MAST2: variants seen among roughly 807,000 people sequenced by gnomAD.
The protein encoded by MAST2 is microtubule associated serine/threonine kinase 2, also known as microtubule-associated serine/threonine-protein kinase 2.
In MAST2, 70 loss-of-function variants were observed where a neutral mutation model predicts 147.4. The ratio of observed to expected loss-of-function variants is 0.47; its 90% CI spans 0.39 to 0.58. MAST2 has a LOEUF of 0.58. Ranked by LOEUF, MAST2 falls within the 20% of genes least tolerant of loss-of-function variation. The probability of loss-of-function intolerance (pLI) is 0.00; values close to 1 mark genes in which losing one functional copy is unlikely to be tolerated. For synonymous variants in MAST2, 869 were observed against 896.8 expected, an observed-to-expected ratio of 0.97 and a Z score of 0.55; for missense variants, 2,080 against 2,302.3, an observed-to-expected ratio of 0.90 and a Z score of 1.98.
chr1:46,008,368 A>G lies in MAST2; in HGVS notation c.975A>G (p.Pro325=), dbSNP rs955779146. The G allele has an allele frequency of 9.3e-6, 15 of 1,609,574 alleles. No homozygotes were observed. The highest frequency in any genetic ancestry group is 1.3e-5 in the Non-Finnish European group (15 of 1,175,822). The change falls in exon 9 of 29, where the codon CCA becomes CCG. Residue 325 remains proline (P), a synonymous_variant. Coordinates refer to ENST00000361297, the MANE Select transcript of MAST2 (RefSeq NM_015112.3). Reference sequence around the variant, plus strand: ...ATCATGTTTACAAAGAAAGATTCCCAAAGGTAAGGATCCATTTAAAAGGAG... The same window carrying G: ...ATCATGTTTACAAAGAAAGATTCCCGAAGGTAAGGATCCATTTAAAAGGAG... ...MMNHVYKERF[P]KATAQMEERL... is the part of the protein sequence containing the mutation.
At chr1:45,947,585 G>A (rs61785583) in intron 4 of MAST2, among the ~76,000 whole-genome samples, 17,801 of 152,208 alleles carry the variant, frequency 0.12, 1,337 homozygotes, top group East Asian at 0.28. Flanking sequence ...AATAAGAGTA[G>A]AAGTGCTAGC....
In MAST2 at chr1:45,805,121, C is replaced by T. The variant is rs1198458929; in HGVS notation, c.177+1049C>T. On this transcript the variant is annotated intron_variant, in intron 1 of 28. Transcript: ENST00000361297. ...GGAGAGTGCAGTGGCATTATTTCGG[C>T]TCACTGCAACCTCCACCTCCTGGGT... Among the ~76,000 whole-genome samples the T allele has an allele frequency of 2.0e-5, 3 of 149,854 alleles. No individual in the cohort carries two copies. In the East Asian group the frequency reaches 5.9e-4, roughly 29 times the overall value.
At chr1:45,899,021 G>A (rs1649254150) in intron 4 of MAST2, among the ~76,000 whole-genome samples, 1 of 152,126 alleles carries the variant, frequency 6.6e-6, no homozygotes, top group Non-Finnish European at 1.5e-5. Flanking sequence ...CATGAGGTCA[G>A]TAAAGACTCA....
chr1:45,917,645 G>C lies in MAST2; in HGVS notation c.500+35250G>C. 7 of 749,266 alleles carry C rather than the reference G, an allele frequency of 9.3e-6. No individual in the cohort carries two copies. In the South Asian group the frequency reaches 1.2e-4, roughly 12 times the overall value. The allele number at this position is 749,266 out of a possible 1,614,324, so 46.4% of individuals were successfully genotyped here. A position where few individuals can be genotyped will look rare whatever the true frequency, so the allele number is the denominator to read the frequency against. ...GAAATGGAGTAAGAGTCTTGGTTCT[G>C]TCACAGAGAAGAGTAAAATAAATAT... On this transcript the variant is annotated intron_variant, in intron 4 of 28. Transcript: ENST00000361297.
chr1:46,006,285 G>T lies in MAST2; in HGVS notation c.792G>T (p.Gln264His). ...AAAAGCTGCATCAGTTGCCTTTCCA[G>T]CCTACAGCTGATGAGCTGCACTTTT... ...SQEKLHQLPF[Q>H]PTADELHFLT... is the part of the protein sequence containing the mutation. Residue 264 changes from glutamine to histidine, a missense_variant, in exon 8 of 29, where the codon CAG (glutamine) becomes CAT (histidine). By Grantham distance (24) the Gln-to-His change is conservative. This residue lies in a region of MAST2 where 569 missense variants were observed against 642.5 expected (regional missense o/e 0.89). Coordinates refer to ENST00000361297, the MANE Select transcript of MAST2 (RefSeq NM_015112.3). The T allele has an allele frequency of 6.2e-7, 1 of 1,613,716 alleles. No individual in the cohort carries two copies. Among genetic ancestry groups the T allele is most frequent in the East Asian group, 2.2e-5 (1 of 44,878 alleles).
At chr1:45,826,251 T>C (rs1005074492) in intron 2 of MAST2, among the ~76,000 whole-genome samples, 1 of 152,246 alleles carries the variant, frequency 6.6e-6, no homozygotes, top group Non-Finnish European at 1.5e-5. Context: ...CTGTTCTTTC[T>C]ATGGAATTTT....
chr1:46,005,179 G>A (rs1051889883), intron 7 of MAST2, among the ~76,000 whole-genome samples: 10 of 152,128 alleles, frequency 6.6e-5, no homozygotes, highest in African/African-American at 2.2e-4. Flanking sequence ...CCTGACCAAC[G>A]TGGAAAAACC....
intron 1 of MAST2, among the ~76,000 whole-genome samples, chr1:45,818,663 G>A (rs545758909): frequency 3.3e-5 from 5 of 152,236 alleles, no homozygotes; most frequent in African/African-American, 9.6e-5. Context: ...GTGAACTTCC[G>A]ATGGTCGGCC....
intron 4 of MAST2, among the ~76,000 whole-genome samples, chr1:45,903,490 G>T (rs925049828): frequency 1.3e-5 from 2 of 152,070 alleles, no homozygotes; most frequent in Admixed American, 1.3e-4. Flanking sequence ...TTGGTATGTT[G>T]TGTCTCTATT....
chr1:45,990,446 TG>T (rs1307210393), intron 5 of MAST2, among the ~76,000 whole-genome samples: 3 of 152,120 alleles, frequency 2.0e-5, no homozygotes, highest in Non-Finnish European at 4.4e-5. Flanking sequence ...ATCAAGTATG[TG>T]GGTTTTTGGT....
chr1:45,888,444 G>A (rs1647185609), intron 4 of MAST2, among the ~76,000 whole-genome samples: 1 of 151,286 alleles, frequency 6.6e-6, no homozygotes, highest in East Asian at 2.0e-4. Flanking sequence ...CTCACTGCAA[G>A]CTCCGCCTCC....
intron 1 of MAST2, 130 bp downstream of exon 1, chr1:45,804,202 G>C: frequency 3.3e-5 from 37 of 1,109,604 alleles, no homozygotes; most frequent in Non-Finnish European, 3.7e-5. Context: ...GGAGTGGGAG[G>C]TCTGGGGAGG....
intron 4 of MAST2, among the ~76,000 whole-genome samples, chr1:45,888,344 G>A (rs1647181171): frequency 6.6e-6 from 1 of 151,826 alleles, no homozygotes; most frequent in South Asian, 2.1e-4. Context: ...ATATCTCTTG[G>A]TGTTCTGTCT....
At chr1:46,001,932 C>CA (rs1645290993) in intron 6 of MAST2, among the ~76,000 whole-genome samples, 1 of 152,010 alleles carries the variant, frequency 6.6e-6, no homozygotes. Context: ...TGAGTAACAG[C>CA]AAAAAAACTT....
intron 6 of MAST2, chr1:46,000,945 T>A (rs1336912661): frequency 3.9e-6 from 5 of 1,288,748 alleles, no homozygotes; most frequent in Non-Finnish European, 5.1e-6. Flanking sequence ...ATAATGTGTA[T>A]TTTTTTACTA....
At chr1:45,846,298 C>T (rs1365915033) in intron 3 of MAST2, among the ~76,000 whole-genome samples, 1 of 152,054 alleles carries the variant, frequency 6.6e-6, no homozygotes, top group Non-Finnish European at 1.5e-5. Context: ...GCTGTTATCA[C>T]AGCTCAAAAA....
chr1:45,886,166 A>C (rs1364263580), intron 4 of MAST2, among the ~76,000 whole-genome samples: 1 of 151,004 alleles, frequency 6.6e-6, no homozygotes, highest in Non-Finnish European at 1.5e-5. Flanking sequence ...GCAACATTTG[A>C]GCAGAGAACA....
chr1:45,849,063 C>G (rs1645536596), intron 3 of MAST2, among the ~76,000 whole-genome samples: 1 of 152,144 alleles, frequency 6.6e-6, no homozygotes, highest in Non-Finnish European at 1.5e-5. Context: ...TTAGAAGACA[C>G]TGCTCAAGGA....
chr1:45,825,061 C>T (rs1481259358), intron 2 of MAST2, among the ~76,000 whole-genome samples: 5 of 152,118 alleles, frequency 3.3e-5, no homozygotes, highest in South Asian at 4.1e-4. Flanking sequence ...AGTTTCGCTC[C>T]GTAGCCCAGG....
Sources: allele counts gnomAD v4.1 joint callset (sites outside exome capture counted in the v4.1 genomes callset), GRCh38; gene constraint gnomAD v4.1.1; regional missense constraint gnomAD v4.1.1; transcripts MANE v1.5; gene names NCBI Gene and HGNC (gene_info 2026-07-23, HGNC 2026-07-21).